The following ADSS2 variants were observed in gnomAD, a reference collection of about 807,000 sequenced individuals.
ADSS2 encodes the protein adenylosuccinate synthetase isozyme 2.
In ADSS2, 30 loss-of-function variants were observed where a neutral mutation model predicts 60.0. The observed-to-expected ratio is 0.50, with a 90% CI of 0.37 to 0.68. ADSS2 has a LOEUF of 0.68. Among genes scored for constraint, ADSS2 ranks in the 30% least tolerant of loss-of-function variants. The pLI is 0.00. For missense variants in ADSS2, 373 were observed against 554.8 expected, an observed-to-expected ratio of 0.67 and a Z score of 3.29; for synonymous variants, 187 against 193.1, an observed-to-expected ratio of 0.97 and a Z score of 0.26.
rs1310738906 is a variant in ADSS2 at position 244,409,549 on chromosome 1, C to G, written c.*37G>C. ...AATATTTAAGAAAGTCTTTTCCCCT[C>G]CCTCTCAAGGAGTGTTTCTTGCATT... On this transcript the variant is annotated 3_prime_UTR_variant, in exon 13 of 13. Coordinates refer to ENST00000366535, the MANE Select transcript of ADSS2 (RefSeq NM_001126.5). The G allele has an allele frequency of 6.6e-7, 1 of 1,507,356 alleles. No homozygotes were observed. Among genetic ancestry groups the G allele is most frequent in the African/African-American group, 1.4e-5 (1 of 72,174 alleles). 93.4% of individuals were successfully genotyped at this position (1,507,356 alleles called of 1,614,324 possible).
upstream of ADSS2, chr1:244,451,998 C>A: frequency 1.7e-6 from 1 of 586,424 alleles, no homozygotes; most frequent in Non-Finnish European, 2.8e-6. This position sits in a 1 kb window ranked among gnomAD's most constrained non-coding sequence, Gnocchi z 6.6. Context: ...CCACAGCCCG[C>A]TCAAGGGGGT....
In ADSS2 at chr1:244,419,113, A is replaced by C. The variant is rs1355529935; in HGVS notation, c.791-199T>G. ...ACATAAAAACGAGGTCAGAGCTTTA[A>C]CGCAAGTGCTTATACAGAGAGGCTC... On this transcript the variant is annotated intron_variant, in intron 8 of 12. Coordinates refer to ENST00000366535, the MANE Select transcript of ADSS2 (RefSeq NM_001126.5). 5.7e-6 allele frequency: 3 copies of C among 524,194 alleles called. No individual in the cohort carries two copies. In the Admixed American group the frequency reaches 1.1e-4, roughly 20 times the overall value. 32.5% of individuals were successfully genotyped at this position (524,194 alleles called of 1,614,324 possible).
intron 6 of ADSS2, among the ~76,000 whole-genome samples, chr1:244,423,514 T>TG (rs1664721901): frequency 1.3e-5 from 2 of 152,194 alleles, no homozygotes; most frequent in Admixed American, 1.3e-4. Context: ...TAGCATCTGT[T>TG]GATTTCAAGT....
chr1:244,439,421 T>C (rs1311506186), intron 1 of ADSS2, among the ~76,000 whole-genome samples: 3 of 152,136 alleles, frequency 2.0e-5, no homozygotes, highest in Non-Finnish European at 4.4e-5. Context: ...CAACTTCCTT[T>C]CTGGCCCAGG....
chr1:244,429,842 A>ATTGCACTCCCGCCTGGG (rs1415030622), intron 4 of ADSS2, among the ~76,000 whole-genome samples: 2 of 152,174 alleles, frequency 1.3e-5, no homozygotes, highest in Non-Finnish European at 2.9e-5. Flanking sequence ...AGATCATGCC[A>ATTGCACTCCCGCCTGGG]TTGCACTCCC....
rs757230494 is a variant in ADSS2 at position 244,451,857 on chromosome 1, C to G, written c.-40G>C. On this transcript the variant is annotated 5_prime_UTR_variant, in exon 1 of 13. Coordinates refer to ENST00000366535, the MANE Select transcript of ADSS2 (RefSeq NM_001126.5). The surrounding 1 kb of genome is among the most constrained non-coding windows in gnomAD (Gnocchi z 6.6). ...GAGGAGAGCCCGAAGGAGAGGCGGC[C>G]GGCGAGGAGTGAGCGAACTGAACTG... 1.3e-6 allele frequency: 2 copies of G among 1,511,632 alleles called. No homozygotes were observed. Among genetic ancestry groups the G allele is most frequent in the Non-Finnish European group, 1.8e-6 (2 of 1,132,072 alleles). 93.6% of individuals were successfully genotyped at this position (1,511,632 alleles called of 1,614,324 possible). A position where few individuals can be genotyped will look rare whatever the true frequency, so the allele number is the denominator to read the frequency against.
intron 4 of ADSS2, among the ~76,000 whole-genome samples, chr1:244,431,119 A>C (rs2148003162): frequency 6.6e-6 from 1 of 151,120 alleles, no homozygotes; most frequent in South Asian, 2.1e-4. Context: ...ACTCTGTCTA[A>C]AAAAAAAAGA....
intron 4 of ADSS2, among the ~76,000 whole-genome samples, chr1:244,429,739 G>A (rs1421332735): frequency 3.3e-5 from 5 of 151,980 alleles, no homozygotes; most frequent in African/African-American, 7.3e-5. Context: ...AAAATAAGCC[G>A]GGCATGGTGG....
chr1:244,416,481 C>A (rs1031255375), intron 10 of ADSS2, among the ~76,000 whole-genome samples: 1 of 152,108 alleles, frequency 6.6e-6, no homozygotes, highest in Non-Finnish European at 1.5e-5. Context: ...CCAGGCCCAG[C>A]TAATTGTTTT....
intron 8 of ADSS2, chr1:244,419,379 C>T (rs1448238583): frequency 6.6e-6 from 1 of 152,578 alleles, no homozygotes; most frequent in Non-Finnish European, 1.5e-5. Flanking sequence ...AGGGAATAAC[C>T]CTCCAATTAT....
intron 2 of ADSS2, among the ~76,000 whole-genome samples, chr1:244,437,354 T>G (rs535318495): frequency 1.1e-4 from 16 of 152,286 alleles, no homozygotes; most frequent in Admixed American, 7.8e-4. Context: ...GAGTCATGGT[T>G]GAAAGTATTT....
intron 4 of ADSS2, among the ~76,000 whole-genome samples, chr1:244,430,834 T>C (rs1017330120): frequency 6.6e-6 from 1 of 152,124 alleles, no homozygotes; most frequent in African/African-American, 2.4e-5. Context: ...GAAAGAATAT[T>C]AGTTGGGCCG....
intron 4 of ADSS2, 74 bp downstream of exon 4, chr1:244,432,471 G>T: frequency 9.1e-7 from 1 of 1,096,132 alleles, no homozygotes; most frequent in Non-Finnish European, 1.3e-6. Context: ...GACAAAATTA[G>T]TTACTAAATA....
In ADSS2 at chr1:244,408,552, G is replaced by A. The variant is rs1664336162; in HGVS notation, c.*1034C>T. 1 of 152,394 alleles carries A rather than the reference G, an allele frequency of 6.6e-6. No homozygotes were observed. Among genetic ancestry groups the A allele is most frequent in the African/African-American group, 2.4e-5 (1 of 41,374 alleles). The allele number at this position is 152,394 out of a possible 1,614,324, so 9.4% of individuals were successfully genotyped here. On this transcript the variant is annotated 3_prime_UTR_variant, in exon 13 of 13. Coordinates refer to ENST00000366535, the MANE Select transcript of ADSS2 (RefSeq NM_001126.5). ...TCATGGTGTAATAAAATAAATTTAA[G>A]TGGCACCTAATTTAACATTTAAAAT...
chr1:244,414,425 T>C (rs1032207829), intron 11 of ADSS2, among the ~76,000 whole-genome samples: 2 of 152,138 alleles, frequency 1.3e-5, no homozygotes, highest in African/African-American at 2.4e-5. Flanking sequence ...AATTCACCAG[T>C]GGGTTTAAAA....
intron 3 of ADSS2, among the ~76,000 whole-genome samples, chr1:244,436,160 CT>C (rs1396786635): frequency 6.6e-6 from 1 of 152,160 alleles, no homozygotes; most frequent in Non-Finnish European, 1.5e-5. Flanking sequence ...GGTGTCATGT[CT>C]GTGTTCAAAA....
chr1:244,443,499 A>G lies in ADSS2; in HGVS notation c.184-5731T>C, dbSNP rs188360367. Among the ~76,000 whole-genome samples, 147 of 152,380 alleles carry G rather than the reference A, an allele frequency of 9.6e-4. 1 individual carries two copies. Among genetic ancestry groups the G allele is most frequent in the Middle Eastern group, 6.8e-3 (2 of 294 alleles). Reference sequence around the variant, plus strand: ...ATCAATTATATCCAACAGGGAAAACATTTAGTAATAAATCTCAGAGATAAT... The same window carrying G: ...ATCAATTATATCCAACAGGGAAAACGTTTAGTAATAAATCTCAGAGATAAT... On this transcript the variant is annotated intron_variant, in intron 1 of 12. Coordinates refer to ENST00000366535, the MANE Select transcript of ADSS2 (RefSeq NM_001126.5).
chr1:244,417,659 T>C lies in ADSS2; in HGVS notation c.1039A>G (p.Lys347Glu). 6.2e-7 allele frequency: 1 copy of C among 1,612,626 alleles called. No homozygotes were observed. The change falls in exon 10 of 13, where the codon AAA becomes GAA. Residue 347 changes from lysine (K) to glutamate (E), a missense_variant. Physicochemically the swap from Lys to Glu is moderately conservative, Grantham distance 56. Around this residue, in one of 5 missense-constraint regions of ADSS2, gnomAD observed 130 missense variants for 169.4 expected, o/e 0.77. Coordinates refer to ENST00000366535, the MANE Select transcript of ADSS2 (RefSeq NM_001126.5). ...RCGWLDLVLLKYAHMINGFTA... is the reference protein window; with the variant it reads ...RCGWLDLVLLEYAHMINGFTA... ...AATCCATTGATCATATGAGCATATT[T>C]GAGCAAAACGAGGTCCAACCAGCCA... is the stretch of plus-strand genomic sequence containing the variant.
At chr1:244,422,559 G>A (rs1354515866) in intron 7 of ADSS2, among the ~76,000 whole-genome samples, 1 of 152,130 alleles carries the variant, frequency 6.6e-6, no homozygotes, top group Admixed American at 6.5e-5. Context: ...TTTCCTAGTA[G>A]CTTTTCATTA....
Sources: gnomAD v4.1 joint callset for allele counts (sites outside exome capture counted in the v4.1 genomes callset) on GRCh38, gnomAD v4.1.1 for gene constraint, gnomAD v4.1.1 regional missense constraint, Gnocchi (gnomAD v3.1) non-coding constraint, MANE v1.5 for transcripts, NCBI Gene and HGNC (gene_info 2026-07-23, HGNC 2026-07-21) for gene names.